MYO3B: variants seen among roughly 807,000 people sequenced by gnomAD.
MYO3B encodes the protein myosin IIIB.
A neutral mutation model predicts 174.6 loss-of-function variants in MYO3B; 156 were observed. That is an observed-to-expected ratio of 0.89 (90% CI 0.78 to 1.02). The LOEUF (loss-of-function observed/expected upper bound fraction) is 1.02. Among genes scored for constraint, MYO3B ranks in the 50% least tolerant of loss-of-function variants. MYO3B has a pLI of 0.00. For missense variants in MYO3B, 1,632 were observed against 1,639.4 expected, an observed-to-expected ratio of 1.00 and a Z score of 0.08; for synonymous variants, 563 against 569.1, an observed-to-expected ratio of 0.99 and a Z score of 0.15.
intron 30 of MYO3B, among the ~76,000 whole-genome samples, chr2:170,523,661 T>C (rs1412111867): frequency 6.6e-6 from 1 of 152,222 alleles, no homozygotes; most frequent in Admixed American, 6.5e-5. Context: ...TGCATCTCTT[T>C]GCTTTGCTGT....
At chr2:170,379,854 CT>C (rs2094322640) in intron 9 of MYO3B, among the ~76,000 whole-genome samples, 2 of 152,186 alleles carry the variant, frequency 1.3e-5, no homozygotes, top group Admixed American at 1.3e-4. Context: ...TCAAATATCT[CT>C]TTTCAAATTT....
chr2:170,463,503 T>C, intron 24 of MYO3B, 58 bp downstream of exon 24: 2 of 1,438,434 alleles, frequency 1.4e-6, no homozygotes, highest in African/African-American at 2.8e-5. Context: ...GTCTAAGCCT[T>C]CTTATGAGAT....
intron 7 of MYO3B, among the ~76,000 whole-genome samples, chr2:170,294,294 G>T (rs1371642784): frequency 6.6e-6 from 1 of 150,770 alleles, no homozygotes; most frequent in Non-Finnish European, 1.5e-5. Flanking sequence ...CCCAATTTTT[G>T]GTTTTTCCCC....
intron 32 of MYO3B, among the ~76,000 whole-genome samples, chr2:170,556,010 A>G (rs780111742): frequency 1.7e-4 from 26 of 152,272 alleles, no homozygotes; most frequent in South Asian, 1.5e-3. Flanking sequence ...AGCCTGAGAA[A>G]CATGACGAAA....
chr2:170,368,368 C>T (rs73017000), intron 8 of MYO3B, among the ~76,000 whole-genome samples: 3,933 of 152,230 alleles, frequency 0.026, 174 homozygotes, highest in African/African-American at 0.089. Context: ...AGGGCAGGTA[C>T]GCAGAATAGA....
At chr2:170,585,034 A>G (rs547262928) in intron 32 of MYO3B, among the ~76,000 whole-genome samples, 1 of 152,306 alleles carries the variant, frequency 6.6e-6, no homozygotes, top group East Asian at 1.9e-4. Flanking sequence ...AAATCACCAG[A>G]GGAGCTTTAA....
chr2:170,495,149 A>G (rs760879264), intron 25 of MYO3B, among the ~76,000 whole-genome samples: 4 of 152,228 alleles, frequency 2.6e-5, no homozygotes, highest in African/African-American at 4.8e-5. Flanking sequence ...TTGCTGTTGC[A>G]TATCTTTTGC....
chr2:170,462,231 C>A (rs945030829), intron 23 of MYO3B, among the ~76,000 whole-genome samples: 1 of 152,182 alleles, frequency 6.6e-6, no homozygotes, highest in Non-Finnish European at 1.5e-5. Context: ...TGGCATCGGC[C>A]GTGCAGCTCA....
At chr2:170,488,164 A>G (rs1686190786) in intron 25 of MYO3B, among the ~76,000 whole-genome samples, 1 of 152,248 alleles carries the variant, frequency 6.6e-6, no homozygotes, top group Non-Finnish European at 1.5e-5. Context: ...AAGGATGTAA[A>G]TTAGTGTAAT....
chr2:170,509,082 C>T (rs1687802826), intron 28 of MYO3B, among the ~76,000 whole-genome samples: 1 of 152,204 alleles, frequency 6.6e-6, no homozygotes, highest in Admixed American at 6.5e-5. Flanking sequence ...TCAGGCCGGG[C>T]ACAGTGGCTC....
intron 9 of MYO3B, among the ~76,000 whole-genome samples, chr2:170,376,667 C>T (rs1284240153): frequency 6.6e-6 from 1 of 151,540 alleles, no homozygotes; most frequent in East Asian, 1.9e-4. Context: ...AATCTGGTAA[C>T]AGTGATAGTC....
At chr2:170,512,920 T>A (rs543362811) in intron 28 of MYO3B, among the ~76,000 whole-genome samples, 1 of 152,342 alleles carries the variant, frequency 6.6e-6, no homozygotes, top group Non-Finnish European at 1.5e-5. Flanking sequence ...TTTCCTCAGC[T>A]GTAAAATGGG....
At chr2:170,433,645 T>C (rs2094728718) in intron 22 of MYO3B, among the ~76,000 whole-genome samples, 1 of 152,232 alleles carries the variant, frequency 6.6e-6, no homozygotes, top group African/African-American at 2.4e-5. Flanking sequence ...ACAGTTCTTA[T>C]CTCAGACATG....
chr2:170,504,784 G>T (rs941081567), intron 28 of MYO3B, among the ~76,000 whole-genome samples: 2 of 152,066 alleles, frequency 1.3e-5, no homozygotes, highest in African/African-American at 4.8e-5. Flanking sequence ...TTTCAACTGG[G>T]TGAGAAATAA....
rs1287388890 is a variant in MYO3B, at chr2:170,467,362, GCATT to G, written c.3014+654_3014+657del. On this transcript the variant is annotated intron_variant, in intron 25 of 34. Coordinates refer to ENST00000408978, the MANE Select transcript of MYO3B (RefSeq NM_138995.5). ...ATGCTTTTAATCTCTTCAGTTCAGT[GCATT>G]CAATCAATATTTATTGAAATAAATT... Among the ~76,000 whole-genome samples, 6 of 152,164 alleles carry G rather than the reference GCATT, an allele frequency of 3.9e-5. No individual in the cohort carries two copies. In the East Asian group the frequency reaches 1.2e-3, roughly 29 times the overall value.
intron 32 of MYO3B, among the ~76,000 whole-genome samples, chr2:170,628,056 C>A (rs1426660150): frequency 6.6e-6 from 1 of 152,170 alleles, no homozygotes; most frequent in Non-Finnish European, 1.5e-5. Flanking sequence ...CTGGGAGAAC[C>A]ACTACTCTCT....
At chr2:170,643,070 G>A (rs1463196651) in intron 32 of MYO3B, among the ~76,000 whole-genome samples, 1 of 151,510 alleles carries the variant, frequency 6.6e-6, no homozygotes, top group Non-Finnish European at 1.5e-5. Flanking sequence ...CTTTGACCCG[G>A]GCATTAGTAT....
At chr2:170,299,996 A>G (rs1054896191) in intron 7 of MYO3B, among the ~76,000 whole-genome samples, 2 of 152,232 alleles carry the variant, frequency 1.3e-5, no homozygotes, top group African/African-American at 4.8e-5. Flanking sequence ...TGTGCCACTT[A>G]ATGATAACTC....
intron 22 of MYO3B, among the ~76,000 whole-genome samples, chr2:170,429,599 T>G (rs1478904772): frequency 1.1e-4 from 17 of 152,252 alleles, no homozygotes; most frequent in Admixed American, 9.8e-4. Context: ...AAATGTCTAA[T>G]TTTAAAATAA....
Sources: gnomAD v4.1 joint callset for allele counts (sites outside exome capture counted in the v4.1 genomes callset) on GRCh38, gnomAD v4.1.1 for gene constraint, MANE v1.5 for transcripts, NCBI Gene and HGNC (gene_info 2026-07-23, HGNC 2026-07-21) for gene names.